ICE2: variants seen among roughly 807,000 people sequenced by gnomAD.
The protein encoded by ICE2 is interactor of little elongation complex ELL subunit 2, also known as little elongation complex subunit 2.
Under a neutral mutation model 105.4 loss-of-function variants are expected in ICE2, and 87 were observed. That is an observed-to-expected ratio of 0.83 (90% CI 0.69 to 0.99). The LOEUF (loss-of-function observed/expected upper bound fraction) is 0.99, where lower values mean the gene tolerates loss of function less well. Ranked by LOEUF, ICE2 falls within the 50% of genes least tolerant of loss-of-function variation. ICE2 has a pLI of 0.00. For missense variants in ICE2, 1,323 were observed against 1,146.7 expected (o/e 1.15, Z -2.22); for synonymous variants, 399 against 392.0 (o/e 1.02, Z -0.21).
chr15:60,442,697 T>G, intron 11 of ICE2, 152 bp from the exon 12 acceptor site: 1 of 584,032 alleles, frequency 1.7e-6, no homozygotes, highest in Non-Finnish European at 3.0e-6. Flanking sequence ...GTAAGATGGA[T>G]ACATTCAGGC....
At chr15:60,466,552 C>T in intron 5 of ICE2, 42 bp downstream of exon 5, 2 of 1,603,670 alleles carry the variant, frequency 1.2e-6, no homozygotes, top group South Asian at 1.1e-5. Flanking sequence ...CTGCTATTGC[C>T]TATCACTTCG....
chr15:60,466,752 G>A, intron 4 of ICE2, 39 bp from the exon 5 acceptor site: 1 of 1,510,528 alleles, frequency 6.6e-7, no homozygotes, highest in Non-Finnish European at 9.0e-7. Context: ...GGGATAAAAA[G>A]TTTCATTAAA....
chr15:60,472,793 G>C (rs1396799634), intron 3 of ICE2, among the ~76,000 whole-genome samples: 1 of 152,082 alleles, frequency 6.6e-6, no homozygotes, highest in Admixed American at 6.5e-5. Context: ...TTTGAGTCTA[G>C]CCTGGGCAAC....
intron 8 of ICE2, chr15:60,454,758 T>C (rs905025844): frequency 1.7e-5 from 6 of 361,912 alleles, no homozygotes; most frequent in Non-Finnish European, 2.9e-5. Context: ...TACATAGCTA[T>C]ACATGTGCCA....
intron 10 of ICE2, 138 bp downstream of exon 10, chr15:60,448,710 A>G: frequency 1.3e-6 from 1 of 756,740 alleles, no homozygotes; most frequent in Non-Finnish European, 2.1e-6. Flanking sequence ...ATACTGATCA[A>G]TAGATCGAAA....
chr15:60,435,438 A>G (rs1344364703), intron 13 of ICE2, among the ~76,000 whole-genome samples: 1 of 151,896 alleles, frequency 6.6e-6, no homozygotes, highest in Non-Finnish European at 1.5e-5. Flanking sequence ...TGTCTCTATT[A>G]AAAATACAAA....
At chr15:60,428,719 GCTCA>G in intron 14 of ICE2, 32 bp from the exon 15 acceptor site, 1 of 1,593,814 alleles carries the variant, frequency 6.3e-7, no homozygotes, top group Non-Finnish European at 8.6e-7. Flanking sequence ...CAACCCACTG[GCTCA>G]CTGTGTCAAT....
chr15:60,425,992 G>A (rs1159205744), intron 15 of ICE2, among the ~76,000 whole-genome samples: 2 of 152,140 alleles, frequency 1.3e-5, no homozygotes, highest in East Asian at 3.8e-4. Flanking sequence ...TTATCTAATT[G>A]TCCACTGTAC....
At chr15:60,424,035 A>C (rs1018833949) in intron 15 of ICE2, among the ~76,000 whole-genome samples, 1 of 152,166 alleles carries the variant, frequency 6.6e-6, no homozygotes, top group African/African-American at 2.4e-5. Flanking sequence ...AATTTATTAG[A>C]GGTTGAAAAG....
chr15:60,450,420 C>A (rs2063938170), intron 9 of ICE2, among the ~76,000 whole-genome samples: 2 of 152,176 alleles, frequency 1.3e-5, no homozygotes, highest in African/African-American at 4.8e-5. Flanking sequence ...TTATTGTATT[C>A]TGAGACATGA....
chr15:60,468,417 C>G, intron 3 of ICE2, 95 bp from the exon 4 acceptor site: 3 of 955,578 alleles, frequency 3.1e-6, no homozygotes, highest in Admixed American at 2.2e-5. Flanking sequence ...GAGAATATAG[C>G]GTGATTAACA....
intron 3 of ICE2, among the ~76,000 whole-genome samples, chr15:60,475,079 G>C (rs1340436189): frequency 2.0e-5 from 3 of 152,200 alleles, no homozygotes; most frequent in Admixed American, 1.3e-4. Context: ...AAGATGGGGA[G>C]ATACGTTTCC....
chr15:60,456,496 A>T (rs2064115247), intron 6 of ICE2, among the ~76,000 whole-genome samples, 161 bp downstream of exon 6: 1 of 145,490 alleles, frequency 6.9e-6, no homozygotes, highest in Non-Finnish European at 1.5e-5. Flanking sequence ...GTGAGCCGAG[A>T]TCATGCCATT....
intron 8 of ICE2, among the ~76,000 whole-genome samples, chr15:60,454,375 AC>A (rs745379622): frequency 1.3e-5 from 2 of 152,020 alleles, no homozygotes; most frequent in Non-Finnish European, 2.9e-5. Context: ...ATAAAAACTC[AC>A]CCATTTGAGG....
At chr15:60,428,960 C>A (rs2063396296) in intron 14 of ICE2, among the ~76,000 whole-genome samples, 1 of 152,066 alleles carries the variant, frequency 6.6e-6, no homozygotes, top group South Asian at 2.1e-4. Context: ...TAATGGGAAA[C>A]AAACAGTGTG....
In ICE2 at chr15:60,449,229, T is replaced by C. The variant is rs1180580715; in HGVS notation, c.1738A>G (p.Ile580Val). The C allele has an allele frequency of 2.5e-6, 4 of 1,614,052 alleles. No individual in the cohort carries two copies. The highest frequency in any genetic ancestry group is 3.4e-6 in the Non-Finnish European group (4 of 1,180,028). ...CTATTATTTTTACATTCTGTATCAA[T>C]GATTAAACACTCCTCATCTGTATCA... ...SSDTDEECLI[I>V]DTECKNNSDG... The change falls in exon 10 of 16, where the codon ATT becomes GTT. Residue 580 changes from isoleucine to valine, a missense_variant. Transcript: ENST00000261520.
chr15:60,478,822 AG>A, intron 1 of ICE2, 180 bp downstream of exon 1: 1 of 382,132 alleles, frequency 2.6e-6, no homozygotes. Flanking sequence ...AGGGGAAACA[AG>A]GTTCCAGAAA....
chr15:60,429,297 C>T (rs540458556), intron 14 of ICE2, among the ~76,000 whole-genome samples: 1 of 152,272 alleles, frequency 6.6e-6, no homozygotes, highest in East Asian at 1.9e-4. Context: ...CCACAATAAA[C>T]CTTCAAGGCA....
intron 3 of ICE2, among the ~76,000 whole-genome samples, chr15:60,469,479 C>T (rs180853270): frequency 5.7e-4 from 87 of 152,216 alleles, no homozygotes; most frequent in Admixed American, 5.6e-3. Context: ...ACACAAAACC[C>T]CTGATAATAA....
Sources: allele counts gnomAD v4.1 joint callset (sites outside exome capture counted in the v4.1 genomes callset), GRCh38; gene constraint gnomAD v4.1.1; transcripts MANE v1.5; gene names NCBI Gene and HGNC (gene_info 2026-07-23, HGNC 2026-07-21).